Variants in ERBB4 observed in about 807,000 individuals in gnomAD.
ERBB4 encodes the protein receptor tyrosine-protein kinase erbB-4.
Under a neutral mutation model 158.0 loss-of-function variants are expected in ERBB4, and 42 were observed. The ratio of observed to expected loss-of-function variants is 0.27; its 90% CI spans 0.21 to 0.34. ERBB4 has a LOEUF of 0.34. ERBB4 is among the 10% of genes least tolerant of loss of function. The probability of loss-of-function intolerance (pLI) is 1.00; values close to 1 mark genes in which losing one functional copy is unlikely to be tolerated. For synonymous variants in ERBB4, 583 were observed against 558.7 expected (o/e 1.04, Z -0.61); for missense variants, 1,333 against 1,624.1 (o/e 0.82, Z 3.08).
At chr2:212,152,772 A>G (rs1479585461) in intron 1 of ERBB4, among the ~76,000 whole-genome samples, 1 of 152,196 alleles carries the variant, frequency 6.6e-6, no homozygotes, top group Non-Finnish European at 1.5e-5. Context: ...CTTTTCCCAG[A>G]AGGAGCTTCT....
intron 1 of ERBB4, among the ~76,000 whole-genome samples, chr2:212,132,197 G>A (rs530212601): frequency 6.6e-6 from 1 of 152,232 alleles, no homozygotes; most frequent in South Asian, 2.1e-4. Flanking sequence ...TGCATTTTTG[G>A]TTATAGGCAT....
At chr2:211,635,709 C>T (rs954227801) in intron 16 of ERBB4, among the ~76,000 whole-genome samples, 1 of 151,976 alleles carries the variant, frequency 6.6e-6, no homozygotes, top group Non-Finnish European at 1.5e-5. Flanking sequence ...GACTGGCTAT[C>T]TTTTAAAAAG....
intron 3 of ERBB4, among the ~76,000 whole-genome samples, chr2:211,853,346 T>C (rs528447251): frequency 4.1e-4 from 62 of 152,134 alleles, no homozygotes; most frequent in African/African-American, 1.3e-3. Context: ...TCTATGCATT[T>C]TAGGTCAAAA....
At chr2:212,372,886 C>T (rs1364496137) in intron 1 of ERBB4, among the ~76,000 whole-genome samples, 4 of 152,170 alleles carry the variant, frequency 2.6e-5, no homozygotes, top group Admixed American at 1.3e-4. Flanking sequence ...ATGCCTGGAA[C>T]AGCCTTATTC....
chr2:212,345,650 T>C (rs2088963340), intron 1 of ERBB4, among the ~76,000 whole-genome samples: 1 of 152,214 alleles, frequency 6.6e-6, no homozygotes, highest in South Asian at 2.1e-4. Flanking sequence ...TATATAGTTA[T>C]TCTCTATTAA....
At chr2:212,117,313 T>C (rs1055864502) in intron 2 of ERBB4, among the ~76,000 whole-genome samples, 1 of 152,186 alleles carries the variant, frequency 6.6e-6, no homozygotes. Context: ...AAAAGTTCCA[T>C]CACCATCTCT....
intron 19 of ERBB4, among the ~76,000 whole-genome samples, chr2:211,584,908 A>T (rs2068217323): frequency 6.6e-6 from 1 of 152,072 alleles, no homozygotes; most frequent in Non-Finnish European, 1.5e-5. Context: ...ACTTTTAAAC[A>T]TGTTTTATTT....
At chr2:211,476,384 T>C (rs1463472147) in intron 20 of ERBB4, among the ~76,000 whole-genome samples, 3 of 151,986 alleles carry the variant, frequency 2.0e-5, no homozygotes, top group Admixed American at 6.6e-5. Context: ...CTGGGATATT[T>C]TGGGTAGGGG....
intron 20 of ERBB4, among the ~76,000 whole-genome samples, chr2:211,502,323 A>G (rs1374757048): frequency 6.6e-6 from 1 of 152,184 alleles, no homozygotes; most frequent in African/African-American, 2.4e-5. Context: ...GACATTTTAT[A>G]TACTCAAATT....
chr2:211,423,425 A>G lies in ERBB4; in HGVS notation c.2866+730T>C, dbSNP rs990350649. On this transcript the variant is annotated intron_variant, in intron 23 of 27. Coordinates refer to ENST00000342788, the MANE Select transcript of ERBB4 (RefSeq NM_005235.3). ...GTAAATCAGAAGGGGAAAGCCTTAGATTATACAAGAGAGATTGCTGCATGT... is the reference window on the plus strand; with the variant it reads ...GTAAATCAGAAGGGGAAAGCCTTAGGTTATACAAGAGAGATTGCTGCATGT... Among the ~76,000 whole-genome samples the G allele has an allele frequency of 3.9e-5, 6 of 152,072 alleles. No homozygotes were observed. In the East Asian group the frequency reaches 1.2e-3, roughly 29 times the overall value.
rs549053850 is a variant in ERBB4 at position 211,633,610 on chromosome 2, T to C, written c.1947-3016A>G. ...AGATAATGTTTTTATATAAGTTGTG[T>C]GTTCTCACTAGTTTTTTCTTCTTGA... On this transcript the variant is annotated intron_variant, in intron 16 of 27. Coordinates refer to ENST00000342788, the MANE Select transcript of ERBB4 (RefSeq NM_005235.3). 3.4e-5 allele frequency among the ~76,000 whole-genome samples: 5 copies of C among 147,682 alleles called. No individual in the cohort carries two copies. The East Asian group carries it at 9.7e-4, about 29-fold the overall frequency.
At chr2:212,125,536 C>G (rs2079897787) in intron 1 of ERBB4, among the ~76,000 whole-genome samples, 1 of 152,096 alleles carries the variant, frequency 6.6e-6, no homozygotes, top group Non-Finnish European at 1.5e-5. Flanking sequence ...GCCTAGAACC[C>G]ATTAGTTATT....
intron 1 of ERBB4, among the ~76,000 whole-genome samples, chr2:212,495,984 A>C (rs989360654): frequency 6.6e-6 from 1 of 152,120 alleles, no homozygotes; most frequent in Non-Finnish European, 1.5e-5. Flanking sequence ...TATATTTGGT[A>C]TTACTTGATA....
At chr2:212,130,656 A>G (rs1248024534) in intron 1 of ERBB4, among the ~76,000 whole-genome samples, 1 of 152,156 alleles carries the variant, frequency 6.6e-6, no homozygotes, top group Non-Finnish European at 1.5e-5. Context: ...AGAATTACCT[A>G]ACTCTCAGAT....
At chr2:212,419,558 T>A (rs1337264053) in intron 1 of ERBB4, among the ~76,000 whole-genome samples, 1 of 151,914 alleles carries the variant, frequency 6.6e-6, no homozygotes, top group Non-Finnish European at 1.5e-5. Context: ...TAAATGTATA[T>A]GCATATATTT....
At chr2:212,510,415 C>T (rs748677051) in intron 1 of ERBB4, among the ~76,000 whole-genome samples, 1 of 151,722 alleles carries the variant, frequency 6.6e-6, no homozygotes, top group Non-Finnish European at 1.5e-5. Flanking sequence ...CATTTTAAAA[C>T]ACTTGGAGAC....
intron 20 of ERBB4, among the ~76,000 whole-genome samples, chr2:211,512,013 G>C (rs1222058247): frequency 2.0e-5 from 3 of 152,106 alleles, no homozygotes. Flanking sequence ...ACAGGAAGAA[G>C]ATTCACACAG....
chr2:211,773,617 TATATATATATATA>T (rs1365554108), intron 4 of ERBB4, among the ~76,000 whole-genome samples: 4 of 53,258 alleles, frequency 7.5e-5, no homozygotes, highest in African/African-American at 4.5e-4. Context: ...TATATATATA[TATATATATATATA>T]TATATATATA....
rs1030083283 is a variant in ERBB4, at chr2:212,371,800, G to C, written c.82+166649C>G. On this transcript the variant is annotated intron_variant, in intron 1 of 27. Transcript: ENST00000342788. ...CAAACCATGAAAAGTCTTACTTTGA[G>C]CTGAGAGGCTCATTCTCTCCTCTCC... 2.6e-5 allele frequency among the ~76,000 whole-genome samples: 4 copies of C among 152,118 alleles called. No individual in the cohort carries two copies. The South Asian group carries it at 8.3e-4, about 32-fold the overall frequency.
Sources: allele counts gnomAD v4.1 joint callset (sites outside exome capture counted in the v4.1 genomes callset), GRCh38; gene constraint gnomAD v4.1.1; transcripts MANE v1.5; gene names NCBI Gene and HGNC (gene_info 2026-07-23, HGNC 2026-07-21).